ADAM23: variants seen among roughly 807,000 people sequenced by gnomAD.
The protein encoded by ADAM23 is disintegrin and metalloproteinase domain-containing protein 23.
In ADAM23, 33 loss-of-function variants were observed where a neutral mutation model predicts 120.1. The observed-to-expected ratio is 0.27, with a 90% CI of 0.21 to 0.37. The LOEUF is 0.37. Ranked by LOEUF, ADAM23 falls within the 10% of genes least tolerant of loss-of-function variation. The probability of loss-of-function intolerance (pLI) is 1.00; values close to 1 mark genes in which losing one functional copy is unlikely to be tolerated. For missense variants in ADAM23, 862 were observed against 1,058.2 expected (o/e 0.81, Z 2.57); for synonymous variants, 367 against 375.2 (o/e 0.98, Z 0.25).
At chr2:206,598,768 C>A (rs1290289855) in intron 24 of ADAM23, among the ~76,000 whole-genome samples, 1 of 149,788 alleles carries the variant, frequency 6.7e-6, no homozygotes. Flanking sequence ...GACACGATGG[C>A]ACATGCCTAT....
chr2:206,500,651 C>T (rs752150050), intron 3 of ADAM23, among the ~76,000 whole-genome samples: 33 of 152,148 alleles, frequency 2.2e-4, no homozygotes, highest in Non-Finnish European at 4.0e-4. Context: ...CTTCCTCTGC[C>T]CTTGGCATCA....
intron 13 of ADAM23, 36 bp downstream of exon 13, chr2:206,562,329 C>A: frequency 6.6e-7 from 1 of 1,518,080 alleles, no homozygotes; most frequent in East Asian, 2.3e-5. Context: ...TTTTCATGTG[C>A]CATTCTGTCT....
rs1044594275 is a variant in ADAM23, at chr2:206,543,234, G to A, written c.657-19G>A. 3.7e-6 allele frequency: 6 copies of A among 1,611,794 alleles called. No individual in the cohort carries two copies. Among genetic ancestry groups the A allele is most frequent in the Non-Finnish European group, 5.1e-6 (6 of 1,178,388 alleles). On this transcript the variant is annotated intron_variant, in intron 5 of 25. Coordinates refer to ENST00000264377, the MANE Select transcript of ADAM23 (RefSeq NM_003812.4). ...TGTGTTTGTTTATTCCCTCCTTTGTGTGGTTTCTTTTGTGCTAGTGGCATG... is the reference window on the plus strand; with the variant it reads ...TGTGTTTGTTTATTCCCTCCTTTGTATGGTTTCTTTTGTGCTAGTGGCATG...
Position 206,567,088 on chromosome 2 carries a change from A to C in ADAM23, c.1395-135A>C, listed in dbSNP as rs1697901145. On this transcript the variant is annotated intron_variant, in intron 14 of 25. Coordinates refer to ENST00000264377, the MANE Select transcript of ADAM23 (RefSeq NM_003812.4). ...GTACTTAAGTGGCAATTTGAACATAAGTCCCTTGTCAAAATTTGTGTAGAT... is the reference window on the plus strand; with the variant it reads ...GTACTTAAGTGGCAATTTGAACATACGTCCCTTGTCAAAATTTGTGTAGAT... 4 of 664,944 alleles carry C rather than the reference A, an allele frequency of 6.0e-6. No individual in the cohort carries two copies. In the Admixed American group the frequency reaches 8.4e-5, roughly 14 times the overall value. The allele number at this position is 664,944 out of a possible 1,614,324, so 41.2% of individuals were successfully genotyped here.
intron 9 of ADAM23, among the ~76,000 whole-genome samples, chr2:206,555,442 T>C (rs1017126471): frequency 1.3e-5 from 2 of 152,204 alleles, no homozygotes; most frequent in Non-Finnish European, 2.9e-5. Context: ...TACAGTTGTT[T>C]AGCCTCCATT....
intron 3 of ADAM23, among the ~76,000 whole-genome samples, chr2:206,527,708 G>T (rs1348524675): frequency 6.6e-6 from 1 of 152,188 alleles, no homozygotes; most frequent in Admixed American, 6.5e-5. Flanking sequence ...TATGCATTAG[G>T]CATTATGCCA....
intron 2 of ADAM23, among the ~76,000 whole-genome samples, chr2:206,465,701 CTGTT>C (rs896389170): frequency 2.0e-5 from 3 of 152,042 alleles, no homozygotes; most frequent in African/African-American, 7.2e-5. Flanking sequence ...AAAAATTGCT[CTGTT>C]TGTTTTTTAT....
rs1261680065 is a variant in ADAM23, at chr2:206,477,923, A to ATATATATATATATATAT, written c.433-3309_433-3308insTATATATATATATATAT. On this transcript the variant is annotated intron_variant, in intron 2 of 25. Coordinates refer to ENST00000264377, the MANE Select transcript of ADAM23 (RefSeq NM_003812.4). ...ATATATATATATATATATATATATA[A>ATATATATATATATATAT]AACAACAATGTGGTTTATAAAATAA... Among the ~76,000 whole-genome samples the ATATATATATATATATAT allele has an allele frequency of 5.8e-4, 53 of 90,604 alleles. 1 individual carries two copies. The highest frequency in any genetic ancestry group is 2.1e-3 in the African/African-American group (44 of 21,050). 59.4% of individuals were successfully genotyped at this position (90,604 alleles called of 152,430 possible).
rs189662703 is a variant in ADAM23, at chr2:206,618,495, C to G, written c.*868C>G. ...TCACTTGTCTGTATTGAGATATTTT[C>G]CTTGTAAAGGTTCTCTGTAAACTTG... On this transcript the variant is annotated 3_prime_UTR_variant, in exon 26 of 26. Transcript: ENST00000264377. The G allele has an allele frequency of 2.0e-4, 31 of 152,244 alleles. No homozygotes were observed. The highest frequency in any genetic ancestry group is 6.7e-4 in the African/African-American group (28 of 41,544). 9.4% of individuals were successfully genotyped at this position (152,244 alleles called of 1,614,324 possible).
intron 14 of ADAM23, among the ~76,000 whole-genome samples, chr2:206,566,017 C>T (rs935523679): frequency 5.9e-5 from 9 of 151,970 alleles, no homozygotes; most frequent in African/African-American, 2.2e-4. Flanking sequence ...CCTTAGCTTC[C>T]ACGGTTCCCT....
At chr2:206,456,627 A>G (rs1246293572) in intron 2 of ADAM23, among the ~76,000 whole-genome samples, 1 of 152,156 alleles carries the variant, frequency 6.6e-6, no homozygotes, top group African/African-American at 2.4e-5. Context: ...CTGTAATTAT[A>G]TAGCTGGGCA....
At chr2:206,614,398 G>A (rs541037533) in intron 25 of ADAM23, among the ~76,000 whole-genome samples, 148 of 136,556 alleles carry the variant, frequency 1.1e-3, no homozygotes, top group Non-Finnish European at 1.3e-3. Context: ...GGGCATGGTG[G>A]CTCATGCCTG....
At chr2:206,533,073 CT>C (rs1191154639) in intron 4 of ADAM23, among the ~76,000 whole-genome samples, 2 of 152,032 alleles carry the variant, frequency 1.3e-5, no homozygotes, top group Non-Finnish European at 2.9e-5. Flanking sequence ...TGAAGATTGT[CT>C]TTTATGCTGC....
chr2:206,525,960 G>A (rs1287003909), intron 3 of ADAM23, among the ~76,000 whole-genome samples: 1 of 152,104 alleles, frequency 6.6e-6, no homozygotes, highest in African/African-American at 2.4e-5. Context: ...TTGGTTAATA[G>A]CTTTCCTAGA....
intron 13 of ADAM23, among the ~76,000 whole-genome samples, chr2:206,563,208 C>G (rs1196938553): frequency 6.6e-6 from 1 of 152,118 alleles, no homozygotes; most frequent in East Asian, 1.9e-4. Flanking sequence ...GATGAAAGTG[C>G]CTTCCTATTT....
intron 3 of ADAM23, among the ~76,000 whole-genome samples, chr2:206,514,531 A>G (rs1185233683): frequency 6.6e-6 from 1 of 152,236 alleles, no homozygotes; most frequent in South Asian, 2.1e-4. Context: ...ATGAGATGGA[A>G]TCTACTGCTG....
At chr2:206,452,844 A>T (rs1695224075) in intron 2 of ADAM23, among the ~76,000 whole-genome samples, 1 of 151,862 alleles carries the variant, frequency 6.6e-6, no homozygotes, top group South Asian at 2.1e-4. Flanking sequence ...CCTGCCTATA[A>T]ATAGTCGCTG....
intron 18 of ADAM23, among the ~76,000 whole-genome samples, chr2:206,584,224 C>T (rs1004815088): frequency 1.3e-5 from 2 of 152,158 alleles, no homozygotes; most frequent in Admixed American, 6.5e-5. Context: ...CTGCGAGTCT[C>T]TCAGCTGTGG....
intron 16 of ADAM23, 112 bp downstream of exon 16, chr2:206,570,923 C>T (rs1446928362): frequency 1.1e-6 from 1 of 872,078 alleles, no homozygotes; most frequent in Non-Finnish European, 1.8e-6. Flanking sequence ...CTTTCTTTCT[C>T]ATCTCTCTGA....
Sources: gnomAD v4.1 joint callset for allele counts (sites outside exome capture counted in the v4.1 genomes callset) on GRCh38, gnomAD v4.1.1 for gene constraint, MANE v1.5 for transcripts, NCBI Gene and HGNC (gene_info 2026-07-23, HGNC 2026-07-21) for gene names.